Variants in SLC33A1 observed in about 807,000 individuals in gnomAD.
The protein encoded by SLC33A1 is acetyl-coenzyme A transporter 1.
In SLC33A1, 20 loss-of-function variants were observed where a neutral mutation model predicts 50.0. That is an observed-to-expected ratio of 0.40 (90% CI 0.28 to 0.58). SLC33A1 has a LOEUF of 0.58. SLC33A1 is among the 20% of genes least tolerant of loss of function. The pLI is 0.44. For synonymous variants in SLC33A1, 265 were observed against 251.8 expected, an observed-to-expected ratio of 1.05 and a Z score of -0.50; for missense variants, 476 against 657.0, an observed-to-expected ratio of 0.72 and a Z score of 3.01.
chr3:155,850,623 T>A (rs539343000), intron 1 of SLC33A1, among the ~76,000 whole-genome samples: 1 of 148,014 alleles, frequency 6.8e-6, no homozygotes, highest in Non-Finnish European at 1.5e-5. Context: ...GACTTATTCT[T>A]TTTTTTTTTT....
intron 1 of SLC33A1, among the ~76,000 whole-genome samples, chr3:155,849,954 T>TAAC (rs1017358609): frequency 9.4e-5 from 13 of 138,134 alleles, no homozygotes; most frequent in Non-Finnish European, 1.8e-4. Context: ...ATAATAATAA[T>TAAC]AACAATTCAC....
intron 2 of SLC33A1, among the ~76,000 whole-genome samples, chr3:155,836,060 G>A (rs1284327661): frequency 3.3e-5 from 5 of 151,458 alleles, no homozygotes; most frequent in African/African-American, 1.2e-4. Context: ...CAAGGTGGGT[G>A]GATCACGAGG....
chr3:155,842,632 TA>T lies in SLC33A1; in HGVS notation c.776-14del. The T allele has an allele frequency of 7.5e-7, 1 of 1,332,300 alleles. No individual in the cohort carries two copies. Among genetic ancestry groups the T allele is most frequent in the Non-Finnish European group, 1.0e-6 (1 of 958,042 alleles). 82.5% of individuals were successfully genotyped at this position (1,332,300 alleles called of 1,614,324 possible). On this transcript the variant is annotated splice_polypyrimidine_tract_variant and intron_variant, in intron 1 of 5. Transcript: ENST00000643144. ...AAAAAAAGGAAATCTGAAAATGTTT[TA>T]AATCTATAATTAATTTTTAAAATTA...
At chr3:155,840,545 C>T (rs976889303) in intron 2 of SLC33A1, among the ~76,000 whole-genome samples, 3 of 151,636 alleles carry the variant, frequency 2.0e-5, no homozygotes, top group African/African-American at 4.8e-5. Flanking sequence ...TTGCCAGGCG[C>T]GGTGGCTCAT....
At chr3:155,837,682 G>A (rs1752740971) in intron 2 of SLC33A1, among the ~76,000 whole-genome samples, 1 of 151,614 alleles carries the variant, frequency 6.6e-6, no homozygotes, top group African/African-American at 2.4e-5. Flanking sequence ...ACAGTAATGA[G>A]ATAAACAAAC....
rs1163944109 is a variant in SLC33A1 at position 155,828,234 on chromosome 3, C to G, written c.1626G>C (p.Ser542=). 33 of 1,612,916 alleles carry G rather than the reference C, an allele frequency of 2.0e-5. No individual in the cohort carries two copies. Among genetic ancestry groups the G allele is most frequent in the Non-Finnish European group, 2.7e-5 (32 of 1,179,172 alleles). The change falls in exon 6 of 6, where the codon TCG becomes TCC. Residue 542 remains serine (S), a synonymous_variant. Coordinates refer to ENST00000643144, the MANE Select transcript of SLC33A1 (RefSeq NM_004733.4). ...FKKLQDEGSS[S]WKCKRNN ...ATTAATTGTTCCTTTTGCATTTCCA[C>G]GAAGATGATCCTTCATCCTGTAACT...
At chr3:155,846,857 GGT>G (rs1304590752) in intron 1 of SLC33A1, among the ~76,000 whole-genome samples, 17 of 152,046 alleles carry the variant, frequency 1.1e-4, no homozygotes, top group Non-Finnish European at 2.2e-4. Flanking sequence ...AAACAAACTT[GGT>G]GTGTCTTCCT....
chr3:155,832,723 C>CAAAA (rs11303771), intron 4 of SLC33A1, among the ~76,000 whole-genome samples: 11 of 28,126 alleles, frequency 3.9e-4, no homozygotes, highest in East Asian at 1.3e-3. Flanking sequence ...GACTCTGTCT[C>CAAAA]AAAAAAAAAA....
Position 155,822,685 on chromosome 3 carries a change from T to C in SLC33A1, c.*5525A>G, listed in dbSNP as rs941379937. On this transcript the variant is annotated 3_prime_UTR_variant, in exon 6 of 6. Coordinates refer to ENST00000643144, the MANE Select transcript of SLC33A1 (RefSeq NM_004733.4). ...CATTATTCTTCACATAAAATTGTTA[T>C]AAAGTTATATTGTCTATATTGACAA... The C allele has an allele frequency of 6.6e-6, 1 of 152,164 alleles. No individual in the cohort carries two copies. The highest frequency in any genetic ancestry group is 1.5e-5 in the Non-Finnish European group (1 of 68,026). 9.4% of individuals were successfully genotyped at this position (152,164 alleles called of 1,614,324 possible). A position where few individuals can be genotyped will look rare whatever the true frequency, so the allele number is the denominator to read the frequency against.
At chr3:155,839,601 TAAGACA>T (rs1458476737) in intron 2 of SLC33A1, among the ~76,000 whole-genome samples, 1 of 152,040 alleles carries the variant, frequency 6.6e-6, no homozygotes, top group African/African-American at 2.4e-5. Flanking sequence ...ATGTTTGGTA[TAAGACA>T]AAGAGAAGAT....
At position 155,834,022 on chromosome 3, in the gene SLC33A1, T is replaced by C; in HGVS notation, c.983A>G (p.Asp328Gly). 2 of 1,613,882 alleles carry C rather than the reference T, an allele frequency of 1.2e-6. No individual in the cohort carries two copies. Among genetic ancestry groups the C allele is most frequent in the Non-Finnish European group, 1.7e-6 (2 of 1,179,844 alleles). The change falls in exon 3 of 6, where the codon GAT (aspartate) becomes GGT (glycine). Residue 328 changes from aspartate to glycine, a missense_variant. Transcript: ENST00000643144. ...LTAKIGFSAA[D>G]AVTGLKLVEE... is the part of the protein sequence containing the mutation. ...TACCAATTTCAGTCCTGTTACAGCA[T>C]CTGCTGCTGAAAAACCAATCTGCAA...
Position 155,825,785 on chromosome 3 carries a change from C to T in SLC33A1, c.*2425G>A, listed in dbSNP as rs966779307. The T allele has an allele frequency of 1.3e-5, 2 of 152,064 alleles. No individual in the cohort carries two copies. Among genetic ancestry groups the T allele is most frequent in the African/African-American group, 4.8e-5 (2 of 41,420 alleles). 9.4% of individuals were successfully genotyped at this position (152,064 alleles called of 1,614,324 possible). ...TACTTGAAGGTACTGTTTAATTTAT[C>T]AGGATCAATCAATCAAGAAAAACAC... is the stretch of plus-strand genomic sequence containing the variant. On this transcript the variant is annotated 3_prime_UTR_variant, in exon 6 of 6. Coordinates refer to ENST00000643144, the MANE Select transcript of SLC33A1 (RefSeq NM_004733.4).
At chr3:155,852,167 A>G (rs1263963470) in intron 1 of SLC33A1, among the ~76,000 whole-genome samples, 3 of 152,184 alleles carry the variant, frequency 2.0e-5, no homozygotes, top group Non-Finnish European at 2.9e-5. Flanking sequence ...CAAACAAAAA[A>G]GCTTAGGCCA....
chr3:155,835,189 G>C (rs536996902), intron 2 of SLC33A1, among the ~76,000 whole-genome samples: 29 of 152,234 alleles, frequency 1.9e-4, no homozygotes, highest in Middle Eastern at 3.4e-3. Flanking sequence ...AAGTATTTCA[G>C]AAGACATATG....
chr3:155,848,132 C>T (rs889553775), intron 1 of SLC33A1, among the ~76,000 whole-genome samples: 1 of 152,072 alleles, frequency 6.6e-6, no homozygotes, highest in Non-Finnish European at 1.5e-5. Flanking sequence ...ATAGATGAGA[C>T]AGATTTTTTT....
intron 2 of SLC33A1, among the ~76,000 whole-genome samples, chr3:155,837,620 A>G (rs139473919): frequency 1.3e-5 from 2 of 152,190 alleles, no homozygotes; most frequent in Non-Finnish European, 2.9e-5. Context: ...AGCTCTAAAA[A>G]TCTGTTGATA....
intron 1 of SLC33A1, among the ~76,000 whole-genome samples, chr3:155,850,240 C>CT (rs1414030638): frequency 1.3e-5 from 2 of 152,078 alleles, no homozygotes; most frequent in Non-Finnish European, 2.9e-5. Flanking sequence ...ATCTCCTGAC[C>CT]TTGTGATCCT....
In SLC33A1 at chr3:155,827,414, T is replaced by G. The variant is rs564744916; in HGVS notation, c.*796A>C. The G allele has an allele frequency of 2.0e-5, 3 of 152,196 alleles. No homozygotes were observed. The highest frequency in any genetic ancestry group is 4.4e-5 in the Non-Finnish European group (3 of 68,022). The allele number at this position is 152,196 out of a possible 1,614,324, so 9.4% of individuals were successfully genotyped here. A position where few individuals can be genotyped will look rare whatever the true frequency, so the allele number is the denominator to read the frequency against. ...TGAATTTGATCCCCTCCATTGGCTG[T>G]CTGTGTGCCAGGAAGCACTTGTGAC... On this transcript the variant is annotated 3_prime_UTR_variant, in exon 6 of 6. Transcript: ENST00000643144.
At position 155,854,136 on chromosome 3, in the gene SLC33A1, G is replaced by C. The variant is rs748855688; in HGVS notation, c.-139C>G. Reference sequence around the variant, plus strand: ...ATGGTGGCAGGGCTCAGAGCGATAAGGGCACTTCTTACTGCAGCCCGGAGT... The same window carrying C: ...ATGGTGGCAGGGCTCAGAGCGATAACGGCACTTCTTACTGCAGCCCGGAGT... On this transcript the variant is annotated 5_prime_UTR_variant, in exon 1 of 6. Transcript: ENST00000643144. 3.1e-6 allele frequency: 2 copies of C among 636,958 alleles called. No individual in the cohort carries two copies. The highest frequency in any genetic ancestry group is 5.1e-6 in the Non-Finnish European group (2 of 389,430). 39.5% of individuals were successfully genotyped at this position (636,958 alleles called of 1,614,324 possible).
Sources: gnomAD v4.1 joint callset for allele counts (sites outside exome capture counted in the v4.1 genomes callset) on GRCh38, gnomAD v4.1.1 for gene constraint, MANE v1.5 for transcripts, NCBI Gene and HGNC (gene_info 2026-07-23, HGNC 2026-07-21) for gene names.